The following NELL1 variants were observed in gnomAD, a reference collection of about 807,000 sequenced individuals.
NELL1 encodes the protein neural EGFL like 1, also known as protein kinase C-binding protein NELL1.
A neutral mutation model predicts 107.4 loss-of-function variants in NELL1; 76 were observed. That is an observed-to-expected ratio of 0.71 (90% CI 0.59 to 0.86). The LOEUF (loss-of-function observed/expected upper bound fraction) is 0.86. Ranked by LOEUF, NELL1 falls within the 40% of genes least tolerant of loss-of-function variation. NELL1 has a pLI of 0.00. For synonymous variants in NELL1, 353 were observed against 341.2 expected (o/e 1.03, Z -0.38); for missense variants, 1,024 against 1,005.5 (o/e 1.02, Z -0.25).
Position 21,571,047 on chromosome 11 carries a change from A to G in NELL1, c.2157+107A>G. 2 of 987,172 alleles carry G rather than the reference A, an allele frequency of 2.0e-6. 1 individual carries two copies. The highest frequency in any genetic ancestry group is 3.3e-5 in the South Asian group (2 of 61,442). The allele number at this position is 987,172 out of a possible 1,614,324, so 61.2% of individuals were successfully genotyped here. On this transcript the variant is annotated intron_variant, in intron 18 of 19. Transcript: ENST00000357134. ...CAGTTTTTCATAATACTATACAGGG[A>G]GCTCTGTGGGGCCTGTGGCTAAGGG...
chr11:20,819,887 A>C (rs149365153), intron 3 of NELL1, among the ~76,000 whole-genome samples: 8 of 152,346 alleles, frequency 5.3e-5, no homozygotes, highest in African/African-American at 1.9e-4. Flanking sequence ...GACATAAAGC[A>C]CTATTAACTG....
At chr11:20,915,720 T>TTA (rs1850239530) in intron 5 of NELL1, among the ~76,000 whole-genome samples, 1 of 111,556 alleles carries the variant, frequency 9.0e-6, no homozygotes, top group Admixed American at 1.0e-4. Flanking sequence ...TATATATATT[T>TTA]TTTTTTTTTT....
At chr11:21,089,711 T>C (rs1219881592) in intron 12 of NELL1, among the ~76,000 whole-genome samples, 1 of 152,220 alleles carries the variant, frequency 6.6e-6, no homozygotes, top group Non-Finnish European at 1.5e-5. Flanking sequence ...CAGTCTCTGA[T>C]TGGCAATCAT....
intron 12 of NELL1, among the ~76,000 whole-genome samples, chr11:21,016,675 A>G (rs1358847801): frequency 6.6e-5 from 10 of 152,014 alleles, no homozygotes; most frequent in Admixed American, 5.9e-4. Context: ...CACATGTCCT[A>G]TCCTTGTTAA....
intron 3 of NELL1, among the ~76,000 whole-genome samples, chr11:20,821,919 T>G (rs145597467): frequency 1.3e-5 from 2 of 152,314 alleles, no homozygotes; most frequent in Non-Finnish European, 2.9e-5. Flanking sequence ...TCAAAGAGAT[T>G]AGCTGAGGGC....
At chr11:20,711,104 G>T (rs1003735688) in intron 2 of NELL1, among the ~76,000 whole-genome samples, 2 of 151,644 alleles carry the variant, frequency 1.3e-5, no homozygotes, top group Admixed American at 1.3e-4. Flanking sequence ...TAGTTCCCTG[G>T]GGTGTGACCT....
intron 13 of NELL1, among the ~76,000 whole-genome samples, chr11:21,203,756 C>T (rs117097908): frequency 0.054 from 8,203 of 151,806 alleles, 308 homozygotes; most frequent in Non-Finnish European, 0.085. Flanking sequence ...GCTACTGGTT[C>T]CTTTTCATGT....
Position 21,149,952 on chromosome 11 carries a change from A to G in NELL1, c.1426+36238A>G, listed in dbSNP as rs1856077318. Among the ~76,000 whole-genome samples, 3 of 152,166 alleles carry G rather than the reference A, an allele frequency of 2.0e-5. No homozygotes were observed. In the South Asian group the frequency reaches 6.2e-4, roughly 32 times the overall value. On this transcript the variant is annotated intron_variant, in intron 13 of 19. Coordinates refer to ENST00000357134, the MANE Select transcript of NELL1 (RefSeq NM_006157.5). Reference sequence around the variant, plus strand: ...AAATAACTAGGGTTAGGGAGGGACCATATTAGATTAGTTGATTAGGGAAGG... The same window carrying G: ...AAATAACTAGGGTTAGGGAGGGACCGTATTAGATTAGTTGATTAGGGAAGG...
Position 20,882,032 on chromosome 11 carries a change from G to A in NELL1, c.507-3412G>A, listed in dbSNP as rs567215293. Among the ~76,000 whole-genome samples, 8 of 152,234 alleles carry A rather than the reference G, an allele frequency of 5.3e-5. No homozygotes were observed. The South Asian group carries it at 1.7e-3, about 32-fold the overall frequency. On this transcript the variant is annotated intron_variant, in intron 4 of 19. Transcript: ENST00000357134. ...TGTGACTTTCATTTTAGTTGACTTG[G>A]GTGACGCCAGATTTAAGTGACAGAT...
chr11:21,448,005 A>T (rs1853480620), intron 15 of NELL1, among the ~76,000 whole-genome samples: 1 of 152,146 alleles, frequency 6.6e-6, no homozygotes, highest in South Asian at 2.1e-4. Context: ...CTGAATTCTC[A>T]CAATCGCTTT....
chr11:21,025,155 T>C (rs776788666), intron 12 of NELL1, among the ~76,000 whole-genome samples: 4 of 152,146 alleles, frequency 2.6e-5, no homozygotes, highest in Non-Finnish European at 4.4e-5. Context: ...TCCGCTTCCC[T>C]GTACCTGACA....
At position 20,673,943 on chromosome 11, in the gene NELL1, G is replaced by A. The variant is rs1464844930; in HGVS notation, c.56-3989G>A. On this transcript the variant is annotated intron_variant, in intron 1 of 19. Coordinates refer to ENST00000357134, the MANE Select transcript of NELL1 (RefSeq NM_006157.5). ...GGTTTTCTGATTCCCTAGGCAGTAT[G>A]CAAAATGCTATCCTTTATACATCCT... Among the ~76,000 whole-genome samples the A allele has an allele frequency of 3.9e-5, 6 of 151,994 alleles. No homozygotes were observed. The East Asian group carries it at 9.7e-4, about 25-fold the overall frequency.
intron 15 of NELL1, among the ~76,000 whole-genome samples, chr11:21,430,685 T>G (rs142633985): frequency 1.3e-5 from 2 of 152,114 alleles, no homozygotes; most frequent in East Asian, 3.9e-4. Context: ...GTGAGATGGA[T>G]TCACCACTCA....
At chr11:20,777,773 T>C (rs897785766) in intron 2 of NELL1, among the ~76,000 whole-genome samples, 2 of 152,210 alleles carry the variant, frequency 1.3e-5, no homozygotes, top group African/African-American at 4.8e-5. Context: ...TACTGAAATG[T>C]TGCCTGCATT....
intron 14 of NELL1, among the ~76,000 whole-genome samples, chr11:21,254,165 T>C (rs1196941694): frequency 1.6e-5 from 2 of 125,620 alleles, no homozygotes; most frequent in Admixed American, 1.7e-4. Context: ...GCCTGAAAAA[T>C]ATAGGCTACT....
chr11:20,983,033 G>A (rs17232890), intron 12 of NELL1, among the ~76,000 whole-genome samples: 6,364 of 152,248 alleles, frequency 0.042, 206 homozygotes, highest in Middle Eastern at 0.2. Context: ...ACAGTGGAAA[G>A]AGACCTTCAG....
intron 15 of NELL1, among the ~76,000 whole-genome samples, chr11:21,436,471 T>C (rs1214149817): frequency 1.3e-5 from 2 of 152,228 alleles, no homozygotes; most frequent in Admixed American, 1.3e-4. Flanking sequence ...TTTGTTTTTC[T>C]ATAGTATCAT....
At chr11:21,413,995 C>T (rs1852441589) in intron 15 of NELL1, among the ~76,000 whole-genome samples, 1 of 151,840 alleles carries the variant, frequency 6.6e-6, no homozygotes, top group South Asian at 2.1e-4. Context: ...TCTTTACAGC[C>T]CTGCATTTAA....
intron 12 of NELL1, among the ~76,000 whole-genome samples, chr11:21,108,650 A>G (rs1425581287): frequency 6.6e-6 from 1 of 152,134 alleles, no homozygotes; most frequent in Non-Finnish European, 1.5e-5. Context: ...TTCTAATTCC[A>G]TAGTCTCAAG....
Sources: gnomAD v4.1 joint callset for allele counts (sites outside exome capture counted in the v4.1 genomes callset) on GRCh38, gnomAD v4.1.1 for gene constraint, MANE v1.5 for transcripts, NCBI Gene and HGNC (gene_info 2026-07-23, HGNC 2026-07-21) for gene names.